Variants in RIN3 observed in about 807,000 individuals in gnomAD.
The protein encoded by RIN3 is Ras and Rab interactor 3.
In RIN3, 54 loss-of-function variants were observed where a neutral mutation model predicts 76.3. That is an observed-to-expected ratio of 0.71 (90% CI 0.57 to 0.89). The LOEUF is 0.89. Among genes scored for constraint, RIN3 ranks in the 40% least tolerant of loss-of-function variants. RIN3 has a pLI of 0.00. For synonymous variants in RIN3, 576 were observed against 564.0 expected (o/e 1.02, Z -0.30); for missense variants, 1,256 against 1,322.1 (o/e 0.95, Z 0.78).
intron 4 of RIN3, among the ~76,000 whole-genome samples, chr14:92,636,283 C>T (rs1428301225): frequency 6.6e-6 from 1 of 152,062 alleles, no homozygotes; most frequent in Non-Finnish European, 1.5e-5. Flanking sequence ...CTTGGATGAC[C>T]ATCAAAAGAA....
intron 3 of RIN3, among the ~76,000 whole-genome samples, chr14:92,612,105 C>T (rs1885762551): frequency 6.6e-6 from 1 of 152,196 alleles, no homozygotes; most frequent in African/African-American, 2.4e-5. Flanking sequence ...CACCTCCCAC[C>T]AGGCCCCACC....
At chr14:92,680,140 T>A (rs946427572) in intron 8 of RIN3, among the ~76,000 whole-genome samples, 1 of 151,774 alleles carries the variant, frequency 6.6e-6, no homozygotes, top group Admixed American at 6.6e-5. Flanking sequence ...TTCTGGTTCA[T>A]AGATGGTGGG....
Position 92,676,613 on chromosome 14 carries a change from C to T in RIN3, c.2467+7C>T. Reference sequence around the variant, plus strand: ...GCCCTGCAGCTGGGGGAGGGTGAGTCACCACCCCCTGCCCATCAGGTGCAT... The same window carrying T: ...GCCCTGCAGCTGGGGGAGGGTGAGTTACCACCCCCTGCCCATCAGGTGCAT... On this transcript the variant is annotated splice_region_variant and intron_variant, in intron 8 of 9. Transcript: ENST00000216487. 1 of 1,612,258 alleles carries T rather than the reference C, an allele frequency of 6.2e-7. No individual in the cohort carries two copies. Among genetic ancestry groups the T allele is most frequent in the South Asian group, 1.1e-5 (1 of 91,044 alleles).
rs58086909 is a variant in RIN3, at chr14:92,681,990, G to A, written c.2468-2997G>A. 7.3e-3 allele frequency among the ~76,000 whole-genome samples: 1,118 copies of A among 152,192 alleles called. 11 individuals are homozygous for A. The highest frequency in any genetic ancestry group is 0.026 in the African/African-American group (1,061 of 41,488). On this transcript the variant is annotated intron_variant, in intron 8 of 9. Coordinates refer to ENST00000216487, the MANE Select transcript of RIN3 (RefSeq NM_024832.5). The surrounding 1 kb of genome is among the most constrained non-coding windows in gnomAD (Gnocchi z 4.7). ...CAACCTCTGCCTCTCAGGTTCAAGC[G>A]ATTCTCCTGTCTCAGCCTCCAGAGT...
chr14:92,560,269 A>G (rs1897725014), intron 2 of RIN3, among the ~76,000 whole-genome samples: 1 of 152,078 alleles, frequency 6.6e-6, no homozygotes, highest in Non-Finnish European at 1.5e-5. Context: ...AAAGGAGTCA[A>G]CCATTCCCTT....
At chr14:92,618,571 A>G (rs112930766) in intron 4 of RIN3, among the ~76,000 whole-genome samples, 6 of 152,358 alleles carry the variant, frequency 3.9e-5, no homozygotes, top group African/African-American at 1.2e-4. Flanking sequence ...ACACTATAGC[A>G]TAATAATCTA....
chr14:92,558,139 A>G (rs1897652857), intron 2 of RIN3, among the ~76,000 whole-genome samples: 1 of 152,190 alleles, frequency 6.6e-6, no homozygotes, highest in Admixed American at 6.5e-5. Flanking sequence ...CCTTGAGCCC[A>G]GGAGTTCAAG....
chr14:92,549,635 G>A (rs1030144060), intron 1 of RIN3, among the ~76,000 whole-genome samples: 10 of 152,326 alleles, frequency 6.6e-5, no homozygotes, highest in East Asian at 1.9e-4. Context: ...GCCAATTCCC[G>A]CCCTCCTTTA....
intron 3 of RIN3, among the ~76,000 whole-genome samples, chr14:92,605,315 C>CT (rs2140093120): frequency 6.6e-6 from 1 of 152,292 alleles, no homozygotes; most frequent in South Asian, 2.1e-4. Context: ...TGACCAAGCC[C>CT]TTCAAATGGG....
intron 6 of RIN3, among the ~76,000 whole-genome samples, chr14:92,655,579 GAAC>G (rs1039116492): frequency 6.6e-6 from 1 of 152,238 alleles, no homozygotes; most frequent in Non-Finnish European, 1.5e-5. Context: ...ACTCACATGT[GAAC>G]AACGTCACTC....
In RIN3 at chr14:92,688,558, C is replaced by T. The variant is rs563127094; in HGVS notation, c.*306C>T. The T allele has an allele frequency of 2.2e-4, 97 of 442,308 alleles. 1 individual carries two copies. In the South Asian group the frequency reaches 2.8e-3, roughly 13 times the overall value. 27.4% of individuals were successfully genotyped at this position (442,308 alleles called of 1,614,324 possible). A position where few individuals can be genotyped will look rare whatever the true frequency, so the allele number is the denominator to read the frequency against. Reference sequence around the variant, plus strand: ...CCAACAAACCGGCGCCCTCTTCACACGTAGCTCCTCAGGCCATTCCCCATG... The same window carrying T: ...CCAACAAACCGGCGCCCTCTTCACATGTAGCTCCTCAGGCCATTCCCCATG... On this transcript the variant is annotated 3_prime_UTR_variant, in exon 10 of 10. Transcript: ENST00000216487.
At chr14:92,624,845 G>C (rs1886295260) in intron 4 of RIN3, among the ~76,000 whole-genome samples, 1 of 152,206 alleles carries the variant, frequency 6.6e-6, no homozygotes, top group Non-Finnish European at 1.5e-5. Flanking sequence ...GACGCTGGAG[G>C]GGGCGGTGCT....
chr14:92,570,995 G>A (rs371461259), intron 2 of RIN3, among the ~76,000 whole-genome samples: 2 of 152,214 alleles, frequency 1.3e-5, no homozygotes, highest in East Asian at 1.9e-4. Flanking sequence ...TCTGGACATA[G>A]TGAACTGTAA....
At position 92,593,298 on chromosome 14, in the gene RIN3, A is replaced by G. The variant is rs1204464642; in HGVS notation, c.367+15821A>G. On this transcript the variant is annotated intron_variant, in intron 3 of 9. Transcript: ENST00000216487. The stretch of plus-strand genomic sequence containing the variant: ...CAACAAATAGAAAACAGTAACAAAT[A>G]TGGTAGATGTCAATCCAGCAATATC... Among the ~76,000 whole-genome samples, 5 of 152,240 alleles carry G rather than the reference A, an allele frequency of 3.3e-5. No homozygotes were observed. In the East Asian group the frequency reaches 7.7e-4, roughly 23 times the overall value.
intron 1 of RIN3, among the ~76,000 whole-genome samples, chr14:92,522,290 C>T (rs1430744545): frequency 6.6e-6 from 1 of 151,562 alleles, no homozygotes; most frequent in Admixed American, 6.6e-5. Flanking sequence ...GTTGTGAGAC[C>T]GGTGGGGGGC....
intron 1 of RIN3, among the ~76,000 whole-genome samples, chr14:92,515,674 C>T (rs1896421846): frequency 6.6e-6 from 1 of 152,230 alleles, no homozygotes; most frequent in Non-Finnish European, 1.5e-5. Context: ...GCCCCTGCCT[C>T]ACCTGTAAAC....
chr14:92,513,810 G>C lies in RIN3; in HGVS notation c.-123G>C, dbSNP rs552344016. 2.7e-4 allele frequency: 144 copies of C among 535,508 alleles called. No homozygotes were observed. The highest frequency in any genetic ancestry group is 2.5e-3 in the African/African-American group (126 of 50,752). 33.2% of individuals were successfully genotyped at this position (535,508 alleles called of 1,614,324 possible). ...GGGAGCGAGAGCCCCAGAGCGCGGC[G>C]GCAGCGGCGGCCTGGCCCTTCCAGA... On this transcript the variant is annotated 5_prime_UTR_variant, in exon 1 of 10. Coordinates refer to ENST00000216487, the MANE Select transcript of RIN3 (RefSeq NM_024832.5).
chr14:92,645,939 G>A (rs1239516336), intron 5 of RIN3, among the ~76,000 whole-genome samples: 6 of 134,704 alleles, frequency 4.5e-5, no homozygotes, highest in East Asian at 2.1e-4. Context: ...GTGACAGAAC[G>A]AGACTCTCTC....
At chr14:92,577,779 G>A (rs993248119) in intron 3 of RIN3, among the ~76,000 whole-genome samples, 4 of 152,202 alleles carry the variant, frequency 2.6e-5, no homozygotes, top group Admixed American at 2.6e-4. Flanking sequence ...GGAAGAAAAG[G>A]AGAAGACATG....
Sources: allele counts gnomAD v4.1 joint callset (sites outside exome capture counted in the v4.1 genomes callset), GRCh38; gene constraint gnomAD v4.1.1; non-coding constraint Gnocchi (gnomAD v3.1); transcripts MANE v1.5; gene names NCBI Gene and HGNC (gene_info 2026-07-23, HGNC 2026-07-21).